PCDHGA8: variants seen among roughly 807,000 people sequenced by gnomAD.
PCDHGA8 encodes protocadherin gamma-A8.
A neutral mutation model predicts 59.2 loss-of-function variants in PCDHGA8; 45 were observed. The observed-to-expected ratio is 0.76, with a 90% CI of 0.60 to 0.98. The LOEUF is 0.98. PCDHGA8 is among the 50% of genes least tolerant of loss of function. PCDHGA8 has a pLI of 0.00. For synonymous variants in PCDHGA8, 531 were observed against 519.0 expected, an observed-to-expected ratio of 1.02 and a Z score of -0.32; for missense variants, 1,257 against 1,196.2, an observed-to-expected ratio of 1.05 and a Z score of -0.75.
In PCDHGA8 at chr5:141,409,485, G is replaced by A. The variant is rs374642418; in HGVS notation, c.2424+14248G>A. On this transcript the variant is annotated intron_variant, in intron 1 of 3. Coordinates refer to ENST00000398604, the MANE Select transcript of PCDHGA8 (RefSeq NM_032088.2). ...GTCACCATCGTAGCCACTGACAGGG[G>A]CAAGCCGCCTCTTTCTTCCAGTAGA... 9.9e-6 allele frequency: 16 copies of A among 1,613,856 alleles called. No homozygotes were observed. Among genetic ancestry groups the A allele is most frequent in the African/African-American group, 9.3e-5 (7 of 74,934 alleles).
In PCDHGA8 at chr5:141,432,612, C is replaced by T. The variant is rs752901891; in HGVS notation, c.2424+37375C>T. 1.9e-6 allele frequency: 3 copies of T among 1,613,912 alleles called. No individual in the cohort carries two copies. The highest frequency in any genetic ancestry group is 2.5e-6 in the Non-Finnish European group (3 of 1,179,970). On this transcript the variant is annotated intron_variant, in intron 1 of 3. Transcript: ENST00000398604. The surrounding 1 kb of genome is among the most constrained non-coding windows in gnomAD (Gnocchi z 6.0). ...AAGGCCAGCGAGCCGGGACTCTTCT[C>T]GGTGGGTCTGCACACGGGCGAGGTG...
intron 1 of PCDHGA8, chr5:141,422,984 G>A (rs752694873): frequency 4.5e-5 from 73 of 1,614,112 alleles, no homozygotes; most frequent in Non-Finnish European, 5.9e-5. Flanking sequence ...GCGGAACCTG[G>A]CTACCTGGTG....
rs746088761 is a variant in PCDHGA8 at position 141,404,246 on chromosome 5, CT to C, written c.2424+9010del. 9.3e-6 allele frequency: 15 copies of C among 1,613,922 alleles called. 1 individual carries two copies. The highest frequency in any genetic ancestry group is 5.0e-5 in the Admixed American group (3 of 60,012). Reference sequence around the variant, plus strand: ...TGCAACAGACAGAGGAACTCCGCCCCTGTCCACAGAAATTCACATCACCCTG... The same window carrying C: ...TGCAACAGACAGAGGAACTCCGCCCCGTCCACAGAAATTCACATCACCCTG... On this transcript the variant is annotated intron_variant, in intron 1 of 3. Coordinates refer to ENST00000398604, the MANE Select transcript of PCDHGA8 (RefSeq NM_032088.2).
At chr5:141,412,935 G>T in intron 1 of PCDHGA8, 1 of 453,864 alleles carries the variant, frequency 2.2e-6, no homozygotes, top group East Asian at 3.4e-5. Flanking sequence ...AACTTCTTAG[G>T]ACTCTGAGCG....
intron 1 of PCDHGA8, chr5:141,399,111 A>G (rs1561667842): frequency 1.9e-6 from 3 of 1,613,732 alleles, no homozygotes; most frequent in East Asian, 2.2e-5. Context: ...CACAATGTAC[A>G]GTTGAAATTA....
rs768994533 is a variant in PCDHGA8 at position 141,486,589 on chromosome 5, C to G, written c.2425-8218C>G. On this transcript the variant is annotated intron_variant, in intron 1 of 3. Transcript: ENST00000398604. This position sits in a 1 kb window ranked among gnomAD's most constrained non-coding sequence, Gnocchi z 5.0. Reference sequence around the variant, plus strand: ...TTCCTGAGAACAATCGCCCAGGGGACCTGCTTTGCTCCCTTGCAGCCTCTG... The same window carrying G: ...TTCCTGAGAACAATCGCCCAGGGGAGCTGCTTTGCTCCCTTGCAGCCTCTG... 1 of 1,613,676 alleles carries G rather than the reference C, an allele frequency of 6.2e-7. No individual in the cohort carries two copies. Among genetic ancestry groups the G allele is most frequent in the Non-Finnish European group, 8.5e-7 (1 of 1,179,996 alleles).
At position 141,493,666 on chromosome 5, in the gene PCDHGA8, C is replaced by T. The variant is rs1475584876; in HGVS notation, c.2425-1141C>T. On this transcript the variant is annotated intron_variant, in intron 1 of 3. Transcript: ENST00000398604. The surrounding 1 kb of genome is among the most constrained non-coding windows in gnomAD (Gnocchi z 4.3). ...GCCATCCCTGTGCCCTTCTCCATGG[C>T]AGCCCCAGAATGGTGCTGGTGACTC... 6.6e-6 allele frequency among the ~76,000 whole-genome samples: 1 copy of T among 152,176 alleles called. No individual in the cohort carries two copies. The highest frequency in any genetic ancestry group is 1.5e-5 in the Non-Finnish European group (1 of 68,028).
chr5:141,413,302 T>C (rs746274089), intron 1 of PCDHGA8: 2 of 1,613,960 alleles, frequency 1.2e-6, no homozygotes, highest in Non-Finnish European at 8.5e-7. Context: ...TCCTGAGGAA[T>C]TAGAGAAAGG....
At chr5:141,508,815 C>T (rs1190983144) in intron 3 of PCDHGA8, among the ~76,000 whole-genome samples, 1 of 152,138 alleles carries the variant, frequency 6.6e-6, no homozygotes, top group East Asian at 1.9e-4. Context: ...TCTTTGAAGC[C>T]AGATCTGGGC....
At chr5:141,409,398 A>C in intron 1 of PCDHGA8, 1 of 1,614,050 alleles carries the variant, frequency 6.2e-7, no homozygotes, top group Non-Finnish European at 8.5e-7. Flanking sequence ...TCTTCTTCCA[A>C]TAACTACTAC....
chr5:141,394,001 G>C lies in PCDHGA8; in HGVS notation c.1188G>C (p.Lys396Asn). Reference sequence around the variant, plus strand: ...ATAATTTACCTTTTAAATTAGAAAAGTCAATAGGTAATTATTATAGATTAG... The same window carrying C: ...ATAATTTACCTTTTAAATTAGAAAACTCAATAGGTAATTATTATAGATTAG... ...TRDNLPFKLE[K>N]SIGNYYRLVT... is the part of the protein sequence containing the mutation. Residue 396 changes from lysine (K) to asparagine (N), a missense_variant, in exon 1 of 4, where the codon AAG (lysine) becomes AAC (asparagine). Transcript: ENST00000398604. 1 of 1,613,458 alleles carries C rather than the reference G, an allele frequency of 6.2e-7. No homozygotes were observed. The highest frequency in any genetic ancestry group is 8.5e-7 in the Non-Finnish European group (1 of 1,179,596).
At chr5:141,405,880 G>T (rs2094729430) in intron 1 of PCDHGA8, among the ~76,000 whole-genome samples, 1 of 152,110 alleles carries the variant, frequency 6.6e-6, no homozygotes, top group Non-Finnish European at 1.5e-5. Flanking sequence ...GGGCCTAATT[G>T]TTGCTCCAAC....
chr5:141,447,329 G>A (rs1328071539), intron 1 of PCDHGA8, among the ~76,000 whole-genome samples: 6 of 151,732 alleles, frequency 4.0e-5, no homozygotes, highest in Admixed American at 1.3e-4. Context: ...TAGTAGAGAC[G>A]GGTTTCATCA....
rs753538822 is a variant in PCDHGA8, at chr5:141,476,676, G to C, written c.2425-18131G>C. 6 of 1,614,222 alleles carry C rather than the reference G, an allele frequency of 3.7e-6. No individual in the cohort carries two copies. Among genetic ancestry groups the C allele is most frequent in the Non-Finnish European group, 4.2e-6 (5 of 1,180,054 alleles). ...TACTTTGCGCTTCGCGTGCAGACGCGGGAGGACAGCACCAAGTACGCGGAG... is the reference window on the plus strand; with the variant it reads ...TACTTTGCGCTTCGCGTGCAGACGCCGGAGGACAGCACCAAGTACGCGGAG... On this transcript the variant is annotated intron_variant, in intron 1 of 3. Transcript: ENST00000398604. The surrounding 1 kb of genome is among the most constrained non-coding windows in gnomAD (Gnocchi z 7.6).
intron 2 of PCDHGA8, among the ~76,000 whole-genome samples, chr5:141,502,253 T>C (rs1331834149): frequency 6.6e-6 from 1 of 152,232 alleles, no homozygotes; most frequent in South Asian, 2.1e-4. Context: ...TTTTTTTTAA[T>C]CCAGGATTTT....
chr5:141,413,816 T>A (rs1422730893), intron 1 of PCDHGA8: 1 of 1,613,128 alleles, frequency 6.2e-7, no homozygotes, highest in Non-Finnish European at 8.5e-7. Flanking sequence ...ATTCACCACC[T>A]GGTCCTCACC....
intron 1 of PCDHGA8, among the ~76,000 whole-genome samples, chr5:141,458,412 G>A (rs2098945236): frequency 6.6e-6 from 1 of 152,034 alleles, no homozygotes; most frequent in Non-Finnish European, 1.5e-5. Context: ...ACGGAGCGGG[G>A]GTTCCAAAGC....
intron 2 of PCDHGA8, among the ~76,000 whole-genome samples, chr5:141,504,869 C>T (rs919109041): frequency 6.6e-6 from 1 of 152,134 alleles, no homozygotes; most frequent in Admixed American, 6.5e-5. Flanking sequence ...CCCACCTTCA[C>T]AGTCCTCTGG....
chr5:141,425,207 G>A lies in PCDHGA8; in HGVS notation c.2424+29970G>A, dbSNP rs546494803. 1.8e-3 allele frequency among the ~76,000 whole-genome samples: 281 copies of A among 152,238 alleles called. 1 individual carries two copies. The highest frequency in any genetic ancestry group is 6.6e-3 in the African/African-American group (274 of 41,534). ...TCCAAACTGAGAAAAATGATGTAAG[G>A]CATTGTACTTTGACTGGAATTAGTT... On this transcript the variant is annotated intron_variant, in intron 1 of 3. Coordinates refer to ENST00000398604, the MANE Select transcript of PCDHGA8 (RefSeq NM_032088.2).
Sources: allele counts gnomAD v4.1 joint callset (sites outside exome capture counted in the v4.1 genomes callset), GRCh38; gene constraint gnomAD v4.1.1; non-coding constraint Gnocchi (gnomAD v3.1); transcripts MANE v1.5; gene names NCBI Gene and HGNC (gene_info 2026-07-23, HGNC 2026-07-21).